SDK1: variants seen among roughly 807,000 people sequenced by gnomAD.
SDK1 encodes the protein sidekick cell adhesion molecule 1.
A neutral mutation model predicts 245.5 loss-of-function variants in SDK1; 157 were observed. That is an observed-to-expected ratio of 0.64 (90% CI 0.56 to 0.73). The LOEUF (loss-of-function observed/expected upper bound fraction) is 0.73. SDK1 is among the 30% of genes least tolerant of loss of function. SDK1 has a pLI of 0.00. For missense variants in SDK1, 3,583 were observed against 3,002.3 expected (o/e 1.19, Z -4.52); for synonymous variants, 1,647 against 1,278.5 (o/e 1.29, Z -6.15).
intron 41 of SDK1, among the ~76,000 whole-genome samples, chr7:4,234,378 C>T (rs1315187670): frequency 6.6e-6 from 1 of 152,196 alleles, no homozygotes; most frequent in African/African-American, 2.4e-5. Context: ...CCGAGAGCAC[C>T]CGTGTTAGAT....
rs557302922 is a variant in SDK1, at chr7:3,473,483, G to A, written c.299-145597G>A. Among the ~76,000 whole-genome samples, 12 of 152,260 alleles carry A rather than the reference G, an allele frequency of 7.9e-5. No individual in the cohort carries two copies. In the South Asian group the frequency reaches 2.5e-3, roughly 32 times the overall value. On this transcript the variant is annotated intron_variant, in intron 1 of 44. Transcript: ENST00000404826. Reference sequence around the variant, plus strand: ...TATAGCATTTACAAAAGTCTAGGCTGGTTTAAACCAGTAGTTTGTGGAGCT... The same window carrying A: ...TATAGCATTTACAAAAGTCTAGGCTAGTTTAAACCAGTAGTTTGTGGAGCT...
At chr7:4,200,758 C>T (rs904251829) in intron 35 of SDK1, among the ~76,000 whole-genome samples, 1 of 152,214 alleles carries the variant, frequency 6.6e-6, no homozygotes, top group Non-Finnish European at 1.5e-5. Flanking sequence ...CATTCTAGTC[C>T]TTAGAAGCAA....
intron 21 of SDK1, among the ~76,000 whole-genome samples, chr7:4,077,508 A>T (rs146667955): frequency 2.0e-4 from 31 of 152,326 alleles, no homozygotes; most frequent in African/African-American, 7.2e-4. Flanking sequence ...TCAAAACAGT[A>T]GCGATGATTG....
intron 4 of SDK1, among the ~76,000 whole-genome samples, chr7:3,685,374 C>G (rs1401629449): frequency 6.6e-6 from 1 of 151,946 alleles, no homozygotes; most frequent in Non-Finnish European, 1.5e-5. Context: ...AAACATCCTT[C>G]AAAAATGAAA....
At position 3,774,289 on chromosome 7, in the gene SDK1, A is replaced by C. The variant is rs138349407; in HGVS notation, c.714-47161A>C. Reference sequence around the variant, plus strand: ...CACTTTAGGTGGTTGGTAGAGGCCTACAACAGTGGGGGAAGGTGCAGCAAC... The same window carrying C: ...CACTTTAGGTGGTTGGTAGAGGCCTCCAACAGTGGGGGAAGGTGCAGCAAC... On this transcript the variant is annotated intron_variant, in intron 4 of 44. Coordinates refer to ENST00000404826, the MANE Select transcript of SDK1 (RefSeq NM_152744.4). Among the ~76,000 whole-genome samples, 556 of 152,076 alleles carry C rather than the reference A, an allele frequency of 3.7e-3. 4 individuals carry two copies. The highest frequency in any genetic ancestry group is 0.013 in the African/African-American group (536 of 41,478).
chr7:3,379,310 G>A (rs774764177), intron 1 of SDK1, among the ~76,000 whole-genome samples: 1 of 152,120 alleles, frequency 6.6e-6, no homozygotes, highest in Non-Finnish European at 1.5e-5. Context: ...CGTAGTTCTT[G>A]TTCTGTGAGG....
chr7:3,711,484 G>A (rs1320285680), intron 4 of SDK1, among the ~76,000 whole-genome samples: 1 of 152,174 alleles, frequency 6.6e-6, no homozygotes, highest in Non-Finnish European at 1.5e-5. Context: ...AGGTCATGGA[G>A]GTGATAGTTT....
intron 5 of SDK1, among the ~76,000 whole-genome samples, chr7:3,915,364 C>A (rs944775029): frequency 5.9e-5 from 9 of 152,118 alleles, no homozygotes; most frequent in Non-Finnish European, 1.0e-4. Context: ...AATTGTAGCT[C>A]CCATAATTCC....
intron 1 of SDK1, chr7:3,302,106 A>G (rs1447025293): frequency 1.8e-5 from 4 of 228,514 alleles, no homozygotes; most frequent in Admixed American, 1.2e-4. Flanking sequence ...TTTGCGTTTT[A>G]TTTTTTTTAT....
intron 1 of SDK1, among the ~76,000 whole-genome samples, chr7:3,508,889 T>C (rs1015868008): frequency 6.6e-6 from 1 of 152,218 alleles, no homozygotes; most frequent in Non-Finnish European, 1.5e-5. Context: ...AATGATATTA[T>C]AGGAAGTGAG....
Position 3,958,937 on chromosome 7 carries a change from C to G in SDK1, c.1157C>G (p.Pro386Arg). ...ATAFLFIIEP[P>R]YFTAEPESRI... Reference sequence around the variant, plus strand: ...TTTATTTTCTTGTTTGAAGAGCCACCATATTTTACTGCTGAGCCCGAGAGT... The same window carrying G: ...TTTATTTTCTTGTTTGAAGAGCCACGATATTTTACTGCTGAGCCCGAGAGT... The change falls in exon 8 of 45, where the codon CCA (proline) becomes CGA (arginine). Residue 386 changes from proline to arginine, a missense_variant. Transcript: ENST00000404826. 1 of 1,613,326 alleles carries G rather than the reference C, an allele frequency of 6.2e-7. No homozygotes were observed. The highest frequency in any genetic ancestry group is 8.5e-7 in the Non-Finnish European group (1 of 1,179,442).
At chr7:3,937,752 T>C (rs1780210683) in intron 5 of SDK1, among the ~76,000 whole-genome samples, 1 of 152,220 alleles carries the variant, frequency 6.6e-6, no homozygotes, top group Non-Finnish European at 1.5e-5. Flanking sequence ...TTGTCCGTGT[T>C]AATAGCCTCA....
At chr7:4,070,265 G>T (rs1237673596) in intron 20 of SDK1, among the ~76,000 whole-genome samples, 1 of 152,226 alleles carries the variant, frequency 6.6e-6, no homozygotes, top group Non-Finnish European at 1.5e-5. Flanking sequence ...CTTGGGACCA[G>T]ATGGTCCCTC....
intron 4 of SDK1, among the ~76,000 whole-genome samples, chr7:3,762,184 A>G (rs1780125517): frequency 6.6e-6 from 1 of 152,206 alleles, no homozygotes; most frequent in South Asian, 2.1e-4. Context: ...CAATCCTTTC[A>G]GCTTAGATCC....
intron 4 of SDK1, among the ~76,000 whole-genome samples, chr7:3,646,416 T>C (rs1341044421): frequency 6.6e-6 from 1 of 152,210 alleles, no homozygotes; most frequent in Non-Finnish European, 1.5e-5. Context: ...GGAGCTATTA[T>C]TTATTGAGTA....
At chr7:3,676,305 C>A (rs1027807139) in intron 4 of SDK1, among the ~76,000 whole-genome samples, 1 of 149,802 alleles carries the variant, frequency 6.7e-6, no homozygotes, top group African/African-American at 2.5e-5. Flanking sequence ...ACGTACCACA[C>A]CTGGCCTCTT....
intron 4 of SDK1, among the ~76,000 whole-genome samples, chr7:3,646,093 G>C (rs1167827856): frequency 6.6e-6 from 1 of 152,076 alleles, no homozygotes; most frequent in Non-Finnish European, 1.5e-5. Flanking sequence ...TCCTGACCTT[G>C]TGATCCACCC....
At chr7:3,761,593 A>G (rs529846078) in intron 4 of SDK1, among the ~76,000 whole-genome samples, 1 of 151,682 alleles carries the variant, frequency 6.6e-6, no homozygotes. Context: ...TAATCATTGT[A>G]CAAGGATGAA....
At chr7:3,910,392 G>C (rs953252697) in intron 5 of SDK1, among the ~76,000 whole-genome samples, 1 of 152,168 alleles carries the variant, frequency 6.6e-6, no homozygotes, top group Non-Finnish European at 1.5e-5. Context: ...GCATGTGTAG[G>C]GAAAATAGCT....
Sources: gnomAD v4.1 joint callset for allele counts (sites outside exome capture counted in the v4.1 genomes callset) on GRCh38, gnomAD v4.1.1 for gene constraint, MANE v1.5 for transcripts, NCBI Gene and HGNC (gene_info 2026-07-23, HGNC 2026-07-21) for gene names.